ELN: variants seen among roughly 807,000 people sequenced by gnomAD.
ELN encodes the protein tropoelastin.
Under a neutral mutation model 105.8 loss-of-function variants are expected in ELN, and 65 were observed. The observed-to-expected ratio is 0.61, with a 90% CI of 0.50 to 0.75. ELN has a LOEUF of 0.75. Among genes scored for constraint, ELN ranks in the 30% least tolerant of loss-of-function variants. The pLI, the probability that ELN is intolerant of heterozygous loss-of-function variation, is 0.00. For synonymous variants in ELN, 368 were observed against 389.2 expected, an observed-to-expected ratio of 0.95 and a Z score of 0.64; for missense variants, 882 against 969.4, an observed-to-expected ratio of 0.91 and a Z score of 1.20.
intron 1 of ELN, among the ~76,000 whole-genome samples, chr7:74,035,086 C>T (rs1337867888): frequency 6.6e-6 from 1 of 152,142 alleles, no homozygotes; most frequent in Non-Finnish European, 1.5e-5. Context: ...GGGTGAAAGG[C>T]CAAGACTCCG....
chr7:74,039,001 G>A lies in ELN; in HGVS notation c.196+1262G>A, dbSNP rs541151789. Reference sequence around the variant, plus strand: ...GAGGGTTCTTAGCAGGGTCTTTGACGGTGAAGAGAGGACAGGGGAGATGAT... The same window carrying A: ...GAGGGTTCTTAGCAGGGTCTTTGACAGTGAAGAGAGGACAGGGGAGATGAT... On this transcript the variant is annotated intron_variant, in intron 4 of 32. Coordinates refer to ENST00000252034, the MANE Select transcript of ELN (RefSeq NM_000501.4). Among the ~76,000 whole-genome samples, 41 of 152,280 alleles carry A rather than the reference G, an allele frequency of 2.7e-4. 1 individual carries two copies. The South Asian group carries it at 3.3e-3, about 12-fold the overall frequency.
At chr7:74,044,299 C>G (rs782280155) in intron 9 of ELN, among the ~76,000 whole-genome samples, 25 of 152,104 alleles carry the variant, frequency 1.6e-4, no homozygotes, top group South Asian at 1.0e-3. Flanking sequence ...CCTAGTACCC[C>G]CCTCGCCTCC....
intron 10 of ELN, 79 bp from the exon 11 acceptor site, chr7:74,046,109 G>A: frequency 1.3e-6 from 2 of 1,594,744 alleles, no homozygotes; most frequent in Middle Eastern, 1.7e-4. Flanking sequence ...GCCATTCCTT[G>A]GGCCTCCTGG....
rs112272421 is a variant in ELN at position 74,047,040 on chromosome 7, C to T, written c.643+273C>T. ...CAGAGGTTGCAGTGAACTGAGATCG[C>T]GCTACTGCACTCCAGCCTGGGTAAC... On this transcript the variant is annotated intron_variant, in intron 12 of 32. Coordinates refer to ENST00000252034, the MANE Select transcript of ELN (RefSeq NM_000501.4). Among the ~76,000 whole-genome samples the T allele has an allele frequency of 1.4e-4, 22 of 152,088 alleles. 1 individual carries two copies. The highest frequency in any genetic ancestry group is 4.8e-4 in the African/African-American group (20 of 41,448).
At chr7:74,057,299 T>G (rs1221979909) in intron 21 of ELN, 1 of 1,168,346 alleles carries the variant, frequency 8.6e-7, no homozygotes, top group Non-Finnish European at 1.1e-6. Context: ...ATTCTCTTCT[T>G]CCTCCGATTC....
Position 74,063,643 on chromosome 7 carries a change from C to T in ELN, c.1941C>T (p.Leu647=), listed in dbSNP as rs782117709. ...AQFGLVGAAG[L]GGLGVGGLGV... is the part of the protein sequence containing the mutation. Reference sequence around the variant, plus strand: ...CAGGCCTAGTGGGAGCCGCTGGGCTCGGAGGACTCGGAGTCGGAGGGCTTG... The same window carrying T: ...CAGGCCTAGTGGGAGCCGCTGGGCTTGGAGGACTCGGAGTCGGAGGGCTTG... The change falls in exon 29 of 33, where the codon CTC becomes CTT. Residue 647 remains leucine, a synonymous_variant. Transcript: ENST00000252034. This position sits in a 1 kb window ranked among gnomAD's most constrained non-coding sequence, Gnocchi z 4.1. 14 of 1,614,024 alleles carry T rather than the reference C, an allele frequency of 8.7e-6. No individual in the cohort carries two copies. Among genetic ancestry groups the T allele is most frequent in the East Asian group, 4.5e-5 (2 of 44,890 alleles).
chr7:74,048,458 A>G, intron 14 of ELN, 45 bp from the exon 15 acceptor site: 1 of 1,613,506 alleles, frequency 6.2e-7, no homozygotes, highest in Non-Finnish European at 8.5e-7. Flanking sequence ...CTGGAGATAC[A>G]GGAGCACTGT....
chr7:74,033,410 C>T (rs773602133), intron 1 of ELN, among the ~76,000 whole-genome samples: 24 of 152,346 alleles, frequency 1.6e-4, no homozygotes, highest in South Asian at 4.1e-4. Context: ...AGCTGGAGGC[C>T]GGAGCCAGGG....
In ELN at chr7:74,050,728, CAA is replaced by C. The variant is rs546779910; in HGVS notation, c.800-1021_800-1020del. On this transcript the variant is annotated intron_variant, in intron 15 of 32. Transcript: ENST00000252034. Reference sequence around the variant, plus strand: ...ATCCATATCAGAGATCAGGGACAAACAAGAGTTCTCTTAGAGAATATAGCCAC... The same window carrying C: ...ATCCATATCAGAGATCAGGGACAAACGAGTTCTCTTAGAGAATATAGCCAC... Among the ~76,000 whole-genome samples, 220 of 152,202 alleles carry C rather than the reference CAA, an allele frequency of 1.4e-3. 1 individual carries two copies. Among genetic ancestry groups the C allele is most frequent in the African/African-American group, 4.5e-3 (186 of 41,530 alleles).
At chr7:74,045,319 T>G (rs2131554704) in intron 10 of ELN, 26 bp downstream of exon 10, 3 of 1,613,380 alleles carry the variant, frequency 1.9e-6, no homozygotes, top group African/African-American at 1.3e-5. Flanking sequence ...GACAGAGGGC[T>G]GATGGCAGGG....
chr7:74,048,516 G>GGCA lies in ELN; in HGVS notation c.771_773dup (p.Ala260dup), dbSNP rs782185396. ...TCCTTCCCCCAGGGGTTGGCCCCCA[G>GGCA]GCAGCAGCAGCAGCGGCAGCTAAAG... On this transcript the variant is annotated inframe_insertion, in exon 15 of 33. Transcript: ENST00000252034. 3.1e-5 allele frequency: 50 copies of GGCA among 1,613,882 alleles called. No individual in the cohort carries two copies. Among genetic ancestry groups the GGCA allele is most frequent in the Non-Finnish European group, 3.6e-5 (42 of 1,179,936 alleles).
intron 15 of ELN, 89 bp from the exon 16 acceptor site, chr7:74,051,661 T>G: frequency 6.8e-7 from 1 of 1,473,192 alleles, no homozygotes; most frequent in Non-Finnish European, 9.4e-7. Flanking sequence ...AAGATCACAC[T>G]GGTGAAAACG....
At chr7:74,035,677 C>T (rs1321109885) in intron 2 of ELN, 2 of 556,984 alleles carry the variant, frequency 3.6e-6, no homozygotes, top group Non-Finnish European at 6.6e-6. Flanking sequence ...TCAGACCAGC[C>T]TGGACAACAT....
At chr7:74,047,558 C>T (rs1792865101) in intron 12 of ELN, 117 bp from the exon 13 acceptor site, 1 of 1,421,882 alleles carries the variant, frequency 7.0e-7, no homozygotes, top group Non-Finnish European at 9.9e-7. Context: ...CAGCTCAGGA[C>T]CCTGATGTGG....
Position 74,069,536 on chromosome 7 carries a change from C to T in ELN, c.*836C>T, listed in dbSNP as rs550863560. ...GGGTGCCAGGCATCTCCTCCCCACC[C>T]GGGGTGTCCCCACATGCAGTACTGT... On this transcript the variant is annotated 3_prime_UTR_variant, in exon 33 of 33. Coordinates refer to ENST00000252034, the MANE Select transcript of ELN (RefSeq NM_000501.4). The T allele has an allele frequency of 1.5e-4, 36 of 234,240 alleles. No homozygotes were observed. In the East Asian group the frequency reaches 1.9e-3, roughly 13 times the overall value. The allele number at this position is 234,240 out of a possible 1,614,324, so 14.5% of individuals were successfully genotyped here.
rs373451032 is a variant in ELN at position 74,042,968 on chromosome 7, T to C, written c.326-16T>C. 4.3e-6 allele frequency: 7 copies of C among 1,614,008 alleles called. No individual in the cohort carries two copies. Among genetic ancestry groups the C allele is most frequent in the Non-Finnish European group, 5.9e-6 (7 of 1,180,018 alleles). ...ACTGTTCCTTACGCAATGCCTCACC[T>C]GTCCTGGCTCTGCAGGCGCTGGGCT... On this transcript the variant is annotated splice_polypyrimidine_tract_variant and intron_variant, in intron 6 of 32. Coordinates refer to ENST00000252034, the MANE Select transcript of ELN (RefSeq NM_000501.4).
chr7:74,043,156 G>A lies in ELN; in HGVS notation c.415G>A (p.Gly139Arg). Residue 139 changes from glycine to arginine, a missense_variant, in exon 8 of 33, where the codon GGG (glycine) becomes AGG (arginine). Gly to Arg is a moderately radical substitution (Grantham distance 125). Coordinates refer to ENST00000252034, the MANE Select transcript of ELN (RefSeq NM_000501.4). ...VPQPGAGVKP[G>R]KVPGVGLPGV... ...TCAGCCTGGAGCCGGAGTGAAGCCTGGGAAAGTGCCGGGTCAGTGCGGAAT... is the reference window on the plus strand; with the variant it reads ...TCAGCCTGGAGCCGGAGTGAAGCCTAGGAAAGTGCCGGGTCAGTGCGGAAT... The A allele has an allele frequency of 1.2e-6, 2 of 1,604,258 alleles. No individual in the cohort carries two copies. The highest frequency in any genetic ancestry group is 1.7e-6 in the Non-Finnish European group (2 of 1,175,092).
chr7:74,049,814 C>T (rs1281462027), intron 15 of ELN, among the ~76,000 whole-genome samples: 1 of 148,878 alleles, frequency 6.7e-6, no homozygotes, highest in Non-Finnish European at 1.5e-5. Context: ...GCATCCATTC[C>T]TCCATGCATC....
intron 8 of ELN, 32 bp from the exon 9 acceptor site, chr7:74,043,847 C>T (rs782394741): frequency 6.2e-7 from 1 of 1,613,422 alleles, no homozygotes; most frequent in South Asian, 1.1e-5. Context: ...GGCTGAGCTG[C>T]TGCTAGTAAC....
Sources: gnomAD v4.1 joint callset for allele counts (sites outside exome capture counted in the v4.1 genomes callset) on GRCh38, gnomAD v4.1.1 for gene constraint, Gnocchi (gnomAD v3.1) non-coding constraint, MANE v1.5 for transcripts, NCBI Gene and HGNC (gene_info 2026-07-23, HGNC 2026-07-21) for gene names.